Variants in PPP2R2C observed in about 807,000 individuals in gnomAD.
PPP2R2C encodes protein phosphatase 2, regulatory subunit B, gamma.
In PPP2R2C, 10 loss-of-function variants were observed where a neutral mutation model predicts 45.3. The observed-to-expected ratio is 0.22, with a 90% CI of 0.14 to 0.37. PPP2R2C has a LOEUF of 0.37. Among genes scored for constraint, PPP2R2C ranks in the 10% least tolerant of loss-of-function variants. PPP2R2C has a pLI of 1.00. For missense variants in PPP2R2C, 308 were observed against 619.7 expected, an observed-to-expected ratio of 0.50 and a Z score of 5.34; for synonymous variants, 257 against 245.4, an observed-to-expected ratio of 1.05 and a Z score of -0.44.
At chr4:6,557,619 G>T (rs1725452235) in intron 1 of PPP2R2C, among the ~76,000 whole-genome samples, 1 of 152,174 alleles carries the variant, frequency 6.6e-6, no homozygotes, top group African/African-American at 2.4e-5. Flanking sequence ...ATGTACCAAG[G>T]TCGGGAAAAA....
At chr4:6,403,994 C>A (rs554943361) in intron 1 of PPP2R2C, among the ~76,000 whole-genome samples, 2 of 152,302 alleles carry the variant, frequency 1.3e-5, no homozygotes, top group Non-Finnish European at 2.9e-5. Context: ...CTCTCTCCAA[C>A]CTGCCACCAC....
chr4:6,416,205 C>T lies in PPP2R2C; in HGVS notation c.71-35111G>A, dbSNP rs573390228. Reference sequence around the variant, plus strand: ...CCTTCCATAACAAGGATATGACAATCGGCTACCCGTGTGCCCAGCCCTGGG... The same window carrying T: ...CCTTCCATAACAAGGATATGACAATTGGCTACCCGTGTGCCCAGCCCTGGG... On this transcript the variant is annotated intron_variant, in intron 1 of 8. Coordinates refer to ENST00000382599, the MANE Select transcript of PPP2R2C (RefSeq NM_020416.4). 2.3e-4 allele frequency among the ~76,000 whole-genome samples: 19 copies of T among 83,944 alleles called. No individual in the cohort carries two copies. The East Asian group carries it at 0.014, about 61-fold the overall frequency. The allele number at this position is 83,944 out of a possible 152,430, so 55.1% of individuals were successfully genotyped here. A position where few individuals can be genotyped will look rare whatever the true frequency, so the allele number is the denominator to read the frequency against.
chr4:6,437,444 G>T (rs892704554), intron 1 of PPP2R2C, among the ~76,000 whole-genome samples: 2 of 152,184 alleles, frequency 1.3e-5, no homozygotes, highest in African/African-American at 4.8e-5. Context: ...AAAGATGGGG[G>T]AACTACAGCC....
At chr4:6,422,634 C>T (rs528174239) in intron 1 of PPP2R2C, among the ~76,000 whole-genome samples, 16 of 152,200 alleles carry the variant, frequency 1.1e-4, no homozygotes, top group Non-Finnish European at 2.4e-4. Context: ...TGTCTTCTCC[C>T]TGTGTCTTCA....
intron 2 of PPP2R2C, among the ~76,000 whole-genome samples, chr4:6,516,334 C>G (rs1433881164): frequency 6.6e-6 from 1 of 152,204 alleles, no homozygotes; most frequent in Non-Finnish European, 1.5e-5. Flanking sequence ...AGGATGATGA[C>G]AAGGACTGTG....
At chr4:6,493,466 T>C (rs1722775289) in intron 2 of PPP2R2C, among the ~76,000 whole-genome samples, 1 of 151,636 alleles carries the variant, frequency 6.6e-6, no homozygotes, top group African/African-American at 2.4e-5. Flanking sequence ...AAAGGCATGG[T>C]GCTGGGGAGA....
chr4:6,411,389 T>C (rs868670669), intron 1 of PPP2R2C, among the ~76,000 whole-genome samples: 3 of 152,276 alleles, frequency 2.0e-5, no homozygotes, highest in South Asian at 2.1e-4. Context: ...CAGCCCAGGC[T>C]GGCACACAGC....
At chr4:6,344,640 G>A (rs1172524253) in intron 6 of PPP2R2C, among the ~76,000 whole-genome samples, 1 of 152,138 alleles carries the variant, frequency 6.6e-6, no homozygotes. Context: ...AATCCATCAT[G>A]AAAGTAAAAA....
intron 2 of PPP2R2C, among the ~76,000 whole-genome samples, chr4:6,521,927 G>A (rs531869796): frequency 9.2e-5 from 14 of 152,188 alleles, no homozygotes; most frequent in South Asian, 4.2e-4. Flanking sequence ...TGCCTCCAGC[G>A]GTGACTACTT....
In PPP2R2C at chr4:6,374,718, G is replaced by A. The variant is rs115862760; in HGVS notation, c.447+1101C>T. On this transcript the variant is annotated intron_variant, in intron 4 of 8. Transcript: ENST00000382599. The stretch of plus-strand genomic sequence containing the variant: ...GCGATTCCATGTCTGTTTCCTTGGG[G>A]GCTGGGGACACTTTGGGGACAGGTA... 1.4e-3 allele frequency among the ~76,000 whole-genome samples: 218 copies of A among 152,310 alleles called. 2 individuals carry two copies. Among genetic ancestry groups the A allele is most frequent in the African/African-American group, 5.0e-3 (207 of 41,562 alleles).
intron 5 of PPP2R2C, among the ~76,000 whole-genome samples, chr4:6,371,485 C>T (rs895539178): frequency 2.6e-5 from 4 of 152,194 alleles, no homozygotes; most frequent in Non-Finnish European, 4.4e-5. Flanking sequence ...TGCCTGGAGT[C>T]GGGAGGCCAT....
intron 2 of PPP2R2C, among the ~76,000 whole-genome samples, chr4:6,494,139 C>T (rs1722799650): frequency 6.6e-6 from 1 of 152,228 alleles, no homozygotes; most frequent in Admixed American, 6.5e-5. Flanking sequence ...GCAGGCTCTG[C>T]TGACACGGCT....
At chr4:6,354,182 C>T (rs1158037744) in intron 5 of PPP2R2C, among the ~76,000 whole-genome samples, 1 of 151,496 alleles carries the variant, frequency 6.6e-6, no homozygotes, top group Non-Finnish European at 1.5e-5. Context: ...TGAACTTCCT[C>T]AAACAGCTGC....
At chr4:6,484,579 C>T (rs1560579632) in intron 2 of PPP2R2C, among the ~76,000 whole-genome samples, 2 of 151,406 alleles carry the variant, frequency 1.3e-5, no homozygotes. Context: ...TTGGGGGGAA[C>T]TGCCATCTTA....
At chr4:6,549,479 G>T (rs943507236) in intron 1 of PPP2R2C, among the ~76,000 whole-genome samples, 4 of 152,208 alleles carry the variant, frequency 2.6e-5, no homozygotes. Flanking sequence ...GTCCCAGGCA[G>T]AATCACAGAA....
chr4:6,467,619 T>A (rs1055254638), intron 1 of PPP2R2C, among the ~76,000 whole-genome samples: 1 of 152,208 alleles, frequency 6.6e-6, no homozygotes, highest in Non-Finnish European at 1.5e-5. Context: ...GTTTTATGTA[T>A]CTCGAGTCTT....
intron 1 of PPP2R2C, among the ~76,000 whole-genome samples, chr4:6,447,716 A>T (rs1378047707): frequency 6.6e-6 from 1 of 152,052 alleles, no homozygotes. Context: ...CTTGGCAGGG[A>T]CACAGCCTGG....
chr4:6,328,566 G>A lies in PPP2R2C; in HGVS notation c.1052+696C>T, dbSNP rs1338978773. On this transcript the variant is annotated intron_variant, in intron 8 of 8. Transcript: ENST00000382599. The surrounding 1 kb of genome is among the most constrained non-coding windows in gnomAD (Gnocchi z 4.4). ...AGAATCCCAGAGAAGAGACACAGAG[G>A]TAAGGACCCACGGGTAGAGGTCAGG... Among the ~76,000 whole-genome samples, 1 of 152,218 alleles carries A rather than the reference G, an allele frequency of 6.6e-6. No individual in the cohort carries two copies. Among genetic ancestry groups the A allele is most frequent in the Non-Finnish European group, 1.5e-5 (1 of 68,046 alleles).
intron 8 of PPP2R2C, among the ~76,000 whole-genome samples, chr4:6,325,388 AG>A (rs1297928441): frequency 1.3e-5 from 2 of 152,132 alleles, no homozygotes; most frequent in African/African-American, 4.8e-5. Context: ...GCAGCATGCG[AG>A]GGGGGCCGGG....
Sources: allele counts gnomAD v4.1 joint callset (sites outside exome capture counted in the v4.1 genomes callset), GRCh38; gene constraint gnomAD v4.1.1; non-coding constraint Gnocchi (gnomAD v3.1); transcripts MANE v1.5; gene names NCBI Gene and HGNC (gene_info 2026-07-23, HGNC 2026-07-21).